The following SLC25A21 variants were observed in gnomAD, a reference collection of about 807,000 sequenced individuals.
SLC25A21 encodes the protein solute carrier family 25 member 21.
A neutral mutation model predicts 43.8 loss-of-function variants in SLC25A21; 47 were observed. The ratio of observed to expected loss-of-function variants is 1.07; its 90% CI spans 0.85 to 1.37. The LOEUF is 1.37. Ranked by LOEUF, SLC25A21 falls within the 40% of genes most tolerant of loss-of-function variation. The probability of loss-of-function intolerance (pLI) is 0.00; values close to 1 mark genes in which losing one functional copy is unlikely to be tolerated. For synonymous variants in SLC25A21, 131 were observed against 121.3 expected (o/e 1.08, Z -0.52); for missense variants, 352 against 350.2 (o/e 1.00, Z -0.04).
At chr14:36,896,369 CT>C (rs377510426) in intron 1 of SLC25A21, among the ~76,000 whole-genome samples, 49 of 152,100 alleles carry the variant, frequency 3.2e-4, no homozygotes, top group African/African-American at 1.2e-3. Context: ...CAACTCCTGC[CT>C]TTTTTTGTTT....
At chr14:36,954,193 T>C (rs1422245990) in intron 1 of SLC25A21, among the ~76,000 whole-genome samples, 1 of 152,100 alleles carries the variant, frequency 6.6e-6, no homozygotes, top group African/African-American at 2.4e-5. Flanking sequence ...GTAAAAAATG[T>C]CTCTGATTGT....
At chr14:36,760,801 T>G (rs773156724) in intron 3 of SLC25A21, among the ~76,000 whole-genome samples, 43 of 150,026 alleles carry the variant, frequency 2.9e-4, no homozygotes, top group Non-Finnish European at 5.3e-4. Context: ...GGGCTTTAGC[T>G]CCCTCCCAAA....
At chr14:37,083,968 T>C (rs142698414) in intron 1 of SLC25A21, among the ~76,000 whole-genome samples, 278 of 152,344 alleles carry the variant, frequency 1.8e-3, no homozygotes, top group Non-Finnish European at 2.8e-3. Context: ...ATTCTATGGT[T>C]AGTTAAAATT....
intron 5 of SLC25A21, among the ~76,000 whole-genome samples, chr14:36,727,424 A>ACG (rs1429447268): frequency 6.6e-6 from 1 of 152,256 alleles, no homozygotes; most frequent in Non-Finnish European, 1.5e-5. Flanking sequence ...GCAATGGCTC[A>ACG]CGCCTGTAAT....
chr14:36,819,372 G>C (rs1273293902), intron 2 of SLC25A21, among the ~76,000 whole-genome samples: 1 of 151,666 alleles, frequency 6.6e-6, no homozygotes, highest in Non-Finnish European at 1.5e-5. Context: ...AAAAATGTTT[G>C]CACTAATTGA....
intron 1 of SLC25A21, among the ~76,000 whole-genome samples, chr14:37,052,223 T>C (rs1961722851): frequency 6.6e-6 from 1 of 152,236 alleles, no homozygotes; most frequent in Admixed American, 6.5e-5. Flanking sequence ...TAAAGAAATG[T>C]GATCCAGGGA....
At chr14:36,768,188 G>C (rs956364760) in intron 3 of SLC25A21, among the ~76,000 whole-genome samples, 1 of 152,200 alleles carries the variant, frequency 6.6e-6, no homozygotes, top group Non-Finnish European at 1.5e-5. Flanking sequence ...TAGCAGAGGA[G>C]AGGCCCAGGC....
intron 1 of SLC25A21, among the ~76,000 whole-genome samples, chr14:37,117,569 T>C (rs1419261732): frequency 6.6e-6 from 1 of 152,174 alleles, no homozygotes; most frequent in African/African-American, 2.4e-5. Flanking sequence ...TATCCTGGTA[T>C]GACAGATCTA....
intron 3 of SLC25A21, among the ~76,000 whole-genome samples, chr14:36,745,496 C>T (rs1020111690): frequency 6.6e-6 from 1 of 152,158 alleles, no homozygotes; most frequent in African/African-American, 2.4e-5. Context: ...CACATCGTCT[C>T]CAGCCTCTGT....
Position 37,111,661 on chromosome 14 carries a change from A to C in SLC25A21, c.70+60620T>G, listed in dbSNP as rs937558886. 2.0e-5 allele frequency among the ~76,000 whole-genome samples: 3 copies of C among 152,226 alleles called. No individual in the cohort carries two copies. In the East Asian group the frequency reaches 5.8e-4, roughly 29 times the overall value. On this transcript the variant is annotated intron_variant, in intron 1 of 9. Transcript: ENST00000331299. ...AGTTCACTCTCCTCTAAGGAGCACC[A>C]AAATATGCTTAAGGTAGAGATTGCT... is the stretch of plus-strand genomic sequence containing the variant.
At chr14:37,083,366 A>G (rs1256178142) in intron 1 of SLC25A21, among the ~76,000 whole-genome samples, 1 of 152,216 alleles carries the variant, frequency 6.6e-6, no homozygotes, top group Non-Finnish European at 1.5e-5. Flanking sequence ...GAACATGTTC[A>G]TAGTTTTATC....
chr14:36,864,314 T>A (rs936304513), intron 2 of SLC25A21, among the ~76,000 whole-genome samples: 1 of 152,174 alleles, frequency 6.6e-6, no homozygotes, highest in Non-Finnish European at 1.5e-5. Context: ...ACCACATAAT[T>A]CACTGCAGCT....
At chr14:36,934,334 G>A (rs925806693) in intron 1 of SLC25A21, among the ~76,000 whole-genome samples, 2 of 151,934 alleles carry the variant, frequency 1.3e-5, no homozygotes, top group African/African-American at 4.8e-5. Flanking sequence ...CTCTATAATT[G>A]AAGTGCTGAA....
At chr14:36,694,789 T>C (rs1882946209) in intron 7 of SLC25A21, among the ~76,000 whole-genome samples, 1 of 152,234 alleles carries the variant, frequency 6.6e-6, no homozygotes, top group South Asian at 2.1e-4. Flanking sequence ...TTTGAGTTCT[T>C]TGTAGATTCT....
chr14:36,897,357 A>T (rs1891272539), intron 1 of SLC25A21, among the ~76,000 whole-genome samples: 1 of 151,324 alleles, frequency 6.6e-6, no homozygotes, highest in Admixed American at 6.6e-5. Context: ...TGCATTCGTC[A>T]TGTTCTTGTG....
intron 3 of SLC25A21, among the ~76,000 whole-genome samples, chr14:36,741,097 C>T (rs1326516284): frequency 6.6e-6 from 1 of 152,088 alleles, no homozygotes; most frequent in East Asian, 1.9e-4. Flanking sequence ...GTCCTGTCTG[C>T]CCCTCCTTTT....
chr14:36,800,429 T>C (rs1293782848), intron 3 of SLC25A21, among the ~76,000 whole-genome samples: 2 of 152,178 alleles, frequency 1.3e-5, no homozygotes, highest in African/African-American at 4.8e-5. Flanking sequence ...CATGCTACAA[T>C]ACAGATGAAC....
intron 1 of SLC25A21, among the ~76,000 whole-genome samples, chr14:36,973,621 T>G (rs1484793487): frequency 6.6e-6 from 1 of 152,134 alleles, no homozygotes; most frequent in African/African-American, 2.4e-5. Flanking sequence ...TCTCCTAGAG[T>G]TGAAAAGCAA....
chr14:36,788,535 C>T (rs1441326353), intron 3 of SLC25A21: 2 of 148,028 alleles, frequency 1.4e-5, no homozygotes, highest in East Asian at 3.9e-4. Context: ...ACCAGGCCGC[C>T]CTTTAATTGT....
Sources: allele counts gnomAD v4.1 joint callset (sites outside exome capture counted in the v4.1 genomes callset), GRCh38; gene constraint gnomAD v4.1.1; transcripts MANE v1.5; gene names NCBI Gene and HGNC (gene_info 2026-07-23, HGNC 2026-07-21).